TLN2: variants seen among roughly 807,000 people sequenced by gnomAD.
TLN2 encodes talin-2.
In TLN2, 118 loss-of-function variants were observed where a neutral mutation model predicts 294.7. The ratio of observed to expected loss-of-function variants is 0.40; its 90% CI spans 0.34 to 0.47. The LOEUF (loss-of-function observed/expected upper bound fraction) is 0.47. Among genes scored for constraint, TLN2 ranks in the 20% least tolerant of loss-of-function variants. TLN2 has a pLI of 0.84. For missense variants in TLN2, 3,083 were observed against 3,282.2 expected, an observed-to-expected ratio of 0.94 and a Z score of 1.48; for synonymous variants, 1,431 against 1,304.5, an observed-to-expected ratio of 1.10 and a Z score of -2.09.
At chr15:62,626,001 T>A (rs1018739372) in intron 3 of TLN2, among the ~76,000 whole-genome samples, 1 of 152,214 alleles carries the variant, frequency 6.6e-6, no homozygotes, top group Admixed American at 6.5e-5. Context: ...AGATGCCACC[T>A]TCTTCCATGG....
At chr15:62,527,237 A>G (rs773965788) in intron 1 of TLN2, among the ~76,000 whole-genome samples, 12 of 152,216 alleles carry the variant, frequency 7.9e-5, no homozygotes, top group Non-Finnish European at 1.5e-4. Flanking sequence ...GGATCATTTT[A>G]GGTGGTGATG....
chr15:62,601,324 G>A (rs944156490), intron 2 of TLN2, among the ~76,000 whole-genome samples: 1 of 152,168 alleles, frequency 6.6e-6, no homozygotes, highest in Non-Finnish European at 1.5e-5. Context: ...ATTGTGCCAA[G>A]GTTGAGAAAC....
At chr15:62,708,870 A>G in intron 21 of TLN2, 74 bp downstream of exon 21, 1 of 1,489,518 alleles carries the variant, frequency 6.7e-7, no homozygotes, top group Non-Finnish European at 8.9e-7. Flanking sequence ...CCCATAGGGA[A>G]GGTGAAGGCT....
chr15:62,447,576 C>T (rs1349705608), intron 1 of TLN2, among the ~76,000 whole-genome samples: 1 of 151,150 alleles, frequency 6.6e-6, no homozygotes, highest in East Asian at 1.9e-4. Context: ...TCACTGCAAG[C>T]TCCGCCTCCT....
chr15:62,613,154 A>G (rs1231543699), intron 2 of TLN2, among the ~76,000 whole-genome samples: 1 of 152,176 alleles, frequency 6.6e-6, no homozygotes, highest in Non-Finnish European at 1.5e-5. Flanking sequence ...GTTCAATTTT[A>G]GTATCTACCC....
At chr15:62,638,308 C>T (rs1007181963) in intron 3 of TLN2, 18 of 350,260 alleles carry the variant, frequency 5.1e-5, no homozygotes, top group Middle Eastern at 1.0e-3. Flanking sequence ...CTCAGTTGCC[C>T]GGAGGGTTCT....
At chr15:62,628,206 T>C (rs1031273113) in intron 3 of TLN2, among the ~76,000 whole-genome samples, 1 of 152,242 alleles carries the variant, frequency 6.6e-6, no homozygotes, top group African/African-American at 2.4e-5. Context: ...TGGACTATAA[T>C]TTTTCTCCTT....
chr15:62,837,168 G>A (rs2069776146), intron 57 of TLN2, among the ~76,000 whole-genome samples: 1 of 152,130 alleles, frequency 6.6e-6, no homozygotes, highest in African/African-American at 2.4e-5. Flanking sequence ...ATTGTGAAAG[G>A]CCTAAAGTGC....
chr15:62,611,459 G>A (rs1013649764), intron 2 of TLN2, among the ~76,000 whole-genome samples: 4 of 152,208 alleles, frequency 2.6e-5, no homozygotes, highest in Non-Finnish European at 5.9e-5. Context: ...GCAAGGGACT[G>A]TGTCTGATTT....
chr15:62,786,197 C>T (rs940107926), intron 45 of TLN2, among the ~76,000 whole-genome samples: 1 of 152,220 alleles, frequency 6.6e-6, no homozygotes, highest in East Asian at 1.9e-4. Context: ...ATTCCAAGAT[C>T]GTGGAATTAT....
chr15:62,643,368 T>A (rs2051375652), intron 3 of TLN2, among the ~76,000 whole-genome samples: 2 of 150,212 alleles, frequency 1.3e-5, no homozygotes, highest in Admixed American at 6.6e-5. Flanking sequence ...TACACTCGTG[T>A]GCAGTGCTCT....
intron 1 of TLN2, among the ~76,000 whole-genome samples, chr15:62,400,588 A>G (rs1314249812): frequency 6.6e-6 from 1 of 152,070 alleles, no homozygotes; most frequent in African/African-American, 2.4e-5. Context: ...GGTTTTTTTC[A>G]TGTCATACAT....
chr15:62,620,995 C>T (rs895777714), intron 3 of TLN2, among the ~76,000 whole-genome samples: 50 of 151,856 alleles, frequency 3.3e-4, no homozygotes, highest in Admixed American at 2.4e-3. Flanking sequence ...CCCGCCACCA[C>T]GCCCGGCTAA....
chr15:62,655,935 G>T lies in TLN2; in HGVS notation c.518-9G>T, dbSNP rs368395128. ...ACACAGTTCTCTTATATGTCTTGTT[G>T]TGTTGCAGTAAATTGGCTGGATCAC... On this transcript the variant is annotated splice_polypyrimidine_tract_variant and intron_variant, in intron 7 of 58. Transcript: ENST00000636159. The T allele has an allele frequency of 6.2e-7, 1 of 1,614,160 alleles. No homozygotes were observed. Among genetic ancestry groups the T allele is most frequent in the African/African-American group, 1.3e-5 (1 of 75,048 alleles).
At chr15:62,430,344 T>C (rs1163823313) in intron 1 of TLN2, among the ~76,000 whole-genome samples, 1 of 152,236 alleles carries the variant, frequency 6.6e-6, no homozygotes, top group African/African-American at 2.4e-5. Flanking sequence ...CATGGTTAAA[T>C]TGAAGACATG....
chr15:62,762,181 G>A (rs904350695), intron 38 of TLN2, 91 bp from the exon 39 acceptor site: 30 of 1,402,574 alleles, frequency 2.1e-5, no homozygotes, highest in Non-Finnish European at 2.9e-5. Flanking sequence ...GGCAGAGGTG[G>A]TGATTTGGCA....
chr15:62,759,354 T>G (rs1267466125), intron 37 of TLN2, among the ~76,000 whole-genome samples: 3 of 152,250 alleles, frequency 2.0e-5, no homozygotes, highest in Non-Finnish European at 4.4e-5. Flanking sequence ...GTTCATGTTA[T>G]TCAAGGCTTT....
intron 26 of TLN2, 127 bp from the exon 27 acceptor site, chr15:62,724,849 C>G (rs887332629): frequency 2.4e-6 from 3 of 1,236,544 alleles, no homozygotes; most frequent in Non-Finnish European, 3.2e-6. Flanking sequence ...ACTTGCTTTC[C>G]TTGCTCCTCC....
intron 2 of TLN2, among the ~76,000 whole-genome samples, chr15:62,597,504 C>A (rs1225549190): frequency 6.6e-6 from 1 of 152,174 alleles, no homozygotes; most frequent in African/African-American, 2.4e-5. Flanking sequence ...CTCAGTCACC[C>A]CATCGCCTCT....
Sources: allele counts gnomAD v4.1 joint callset (sites outside exome capture counted in the v4.1 genomes callset), GRCh38; gene constraint gnomAD v4.1.1; transcripts MANE v1.5; gene names NCBI Gene and HGNC (gene_info 2026-07-23, HGNC 2026-07-21).